The following PITPNB variants were observed in gnomAD, a reference collection of about 807,000 sequenced individuals.
PITPNB encodes the protein phosphatidylinositol transfer protein beta, also known as phosphatidylinositol transfer protein beta isoform.
A neutral mutation model predicts 45.9 loss-of-function variants in PITPNB; 16 were observed. The ratio of observed to expected loss-of-function variants is 0.35; its 90% CI spans 0.24 to 0.53. PITPNB has a LOEUF of 0.53. PITPNB is among the 20% of genes least tolerant of loss of function. PITPNB has a pLI of 0.93. For synonymous variants in PITPNB, 112 were observed against 108.9 expected (o/e 1.03, Z -0.18); for missense variants, 188 against 330.5 (o/e 0.57, Z 3.34).
chr22:27,915,791 G>A (rs1936058576), intron 1 of PITPNB, among the ~76,000 whole-genome samples: 1 of 152,148 alleles, frequency 6.6e-6, no homozygotes, highest in African/African-American at 2.4e-5. Flanking sequence ...ATGAGGGAGA[G>A]GAAGACTAGA....
chr22:27,911,874 A>G (rs1329967862), intron 2 of PITPNB, among the ~76,000 whole-genome samples: 1 of 152,208 alleles, frequency 6.6e-6, no homozygotes, highest in Non-Finnish European at 1.5e-5. Flanking sequence ...TTTAACGTGA[A>G]TCAGAAATCT....
intron 5 of PITPNB, 151 bp from the exon 6 acceptor site, chr22:27,896,777 T>C: frequency 1.6e-6 from 1 of 621,314 alleles, no homozygotes; most frequent in South Asian, 2.0e-5. Context: ...GCTACCGATT[T>C]TTATAGACTT....
intron 5 of PITPNB, 144 bp downstream of exon 5, chr22:27,896,986 G>A (rs907633416): frequency 1.4e-6 from 1 of 722,632 alleles, no homozygotes. Context: ...GGAACATGTG[G>A]TAGAGTGTGG....
At chr22:27,891,736 C>A (rs1369575481) in intron 7 of PITPNB, among the ~76,000 whole-genome samples, 2 of 152,160 alleles carry the variant, frequency 1.3e-5, no homozygotes, top group Non-Finnish European at 2.9e-5. Context: ...TCCACCATGA[C>A]TGTAAGTTTC....
intron 7 of PITPNB, among the ~76,000 whole-genome samples, chr22:27,881,367 T>C (rs1934966804): frequency 6.6e-6 from 1 of 152,198 alleles, no homozygotes; most frequent in African/African-American, 2.4e-5. Flanking sequence ...AGGAGCTGGG[T>C]CACAATTCTC....
intron 3 of PITPNB, among the ~76,000 whole-genome samples, chr22:27,910,260 C>CTGT (rs964815855): frequency 6.6e-6 from 1 of 151,664 alleles, no homozygotes; most frequent in South Asian, 2.1e-4. Flanking sequence ...AATTTTTTTG[C>CTGT]TGTTGTTGTT....
At chr22:27,892,625 T>C (rs1935312484) in intron 7 of PITPNB, among the ~76,000 whole-genome samples, 1 of 152,178 alleles carries the variant, frequency 6.6e-6, no homozygotes, top group South Asian at 2.1e-4. Context: ...TCCCAATTAC[T>C]TCTCTTCCCA....
Position 27,896,624 on chromosome 22 carries a change from A to C in PITPNB, c.300T>G (p.Asn100Lys). The C allele has an allele frequency of 6.3e-7, 1 of 1,598,452 alleles. No individual in the cohort carries two copies. Among genetic ancestry groups the C allele is most frequent in the Non-Finnish European group, 8.6e-7 (1 of 1,165,766 alleles). The change falls in exon 6 of 12, where the codon AAT becomes AAG. Residue 100 changes from asparagine to lysine, a missense_variant and splice_region_variant. Asn to Lys is a moderately conservative substitution (Grantham distance 94). Transcript: ENST00000335272. ...TGAAGAAATCATCTTTCATATATTC[A>C]TTCTGCAGAAAACACAACAGGAAAA... ...AYPYCRTIVT[N>K]EYMKDDFFIK...
At chr22:27,858,126 G>A (rs1259339896) in intron 10 of PITPNB, among the ~76,000 whole-genome samples, 1 of 152,148 alleles carries the variant, frequency 6.6e-6, no homozygotes, top group African/African-American at 2.4e-5. Flanking sequence ...AAAGAATACA[G>A]AACCATTAGA....
At chr22:27,871,214 C>T (rs531772235) in intron 8 of PITPNB, among the ~76,000 whole-genome samples, 104 of 152,168 alleles carry the variant, frequency 6.8e-4, no homozygotes, top group Non-Finnish European at 1.2e-3. Context: ...TTCCAAGTTC[C>T]TAAAAAGTTA....
intron 1 of PITPNB, among the ~76,000 whole-genome samples, chr22:27,918,654 C>T (rs1159505001): frequency 6.6e-6 from 1 of 152,264 alleles, no homozygotes; most frequent in African/African-American, 2.4e-5. Context: ...AATCCCGGCT[C>T]CACCACGAAC....
Position 27,910,207 on chromosome 22 carries a change from C to T in PITPNB, c.197+757G>A, listed in dbSNP as rs182477157. On this transcript the variant is annotated intron_variant, in intron 3 of 11. Coordinates refer to ENST00000335272, the MANE Select transcript of PITPNB (RefSeq NM_012399.5). ...CCTCGTAATCTGCCCGCCTCAGCCT[C>T]CCAAAGTGCTGGGATTACAAGCGTG... Among the ~76,000 whole-genome samples, 514 of 152,226 alleles carry T rather than the reference C, an allele frequency of 3.4e-3. 2 individuals carry two copies. Among genetic ancestry groups the T allele is most frequent in the Admixed American group, 6.1e-3 (94 of 15,294 alleles).
chr22:27,909,333 T>C (rs1935853069), intron 3 of PITPNB, among the ~76,000 whole-genome samples: 1 of 150,990 alleles, frequency 6.6e-6, no homozygotes, highest in South Asian at 2.1e-4. Flanking sequence ...TCCCAAGTTC[T>C]GGGATTATAG....
At chr22:27,873,233 C>CCCCA (rs1281030009) in intron 8 of PITPNB, among the ~76,000 whole-genome samples, 1 of 152,186 alleles carries the variant, frequency 6.6e-6, no homozygotes, top group African/African-American at 2.4e-5. Flanking sequence ...CACCACTGCA[C>CCCCA]CCCAGCCTGG....
chr22:27,909,207 C>CTTGTTTTT (rs1555892105), intron 3 of PITPNB, among the ~76,000 whole-genome samples: 1 of 82,244 alleles, frequency 1.2e-5, no homozygotes. Flanking sequence ...ACTGGTAGTA[C>CTTGTTTTT]TTTTTTTTTT....
chr22:27,856,271 C>A (rs1246263560), intron 10 of PITPNB, among the ~76,000 whole-genome samples: 1 of 152,188 alleles, frequency 6.6e-6, no homozygotes, highest in East Asian at 1.9e-4. Context: ...AATGGTGACA[C>A]TAAGGAATTG....
At chr22:27,860,075 T>C in intron 9 of PITPNB, 56 bp downstream of exon 9, 1 of 966,182 alleles carries the variant, frequency 1.0e-6, no homozygotes, top group South Asian at 1.3e-5. Context: ...ATCCCATTAA[T>C]AGCTAGCTCC....
intron 3 of PITPNB, among the ~76,000 whole-genome samples, chr22:27,899,500 T>G (rs962933696): frequency 1.3e-5 from 2 of 152,082 alleles, no homozygotes; most frequent in Non-Finnish European, 2.9e-5. Context: ...TTTTTTTGTA[T>G]TTTTAGTAGA....
At chr22:27,917,275 T>C (rs1001691774) in intron 1 of PITPNB, among the ~76,000 whole-genome samples, 2 of 152,222 alleles carry the variant, frequency 1.3e-5, no homozygotes, top group Non-Finnish European at 2.9e-5. Context: ...ACTACTCACA[T>C]ACTGTCAAAG....
Sources: gnomAD v4.1 joint callset for allele counts (sites outside exome capture counted in the v4.1 genomes callset) on GRCh38, gnomAD v4.1.1 for gene constraint, MANE v1.5 for transcripts, NCBI Gene and HGNC (gene_info 2026-07-23, HGNC 2026-07-21) for gene names.